TNPO2: variants seen among roughly 807,000 people sequenced by gnomAD.
TNPO2 encodes the protein transportin-2.
Under a neutral mutation model 111.1 loss-of-function variants are expected in TNPO2, and 16 were observed. The ratio of observed to expected loss-of-function variants is 0.14; its 90% CI spans 0.10 to 0.22. The LOEUF (loss-of-function observed/expected upper bound fraction) is 0.22. Among genes scored for constraint, TNPO2 ranks in the 10% least tolerant of loss-of-function variants. The pLI is 1.00. For synonymous variants in TNPO2, 481 were observed against 475.8 expected (o/e 1.01, Z -0.14); for missense variants, 530 against 1,173.7 (o/e 0.45, Z 8.01).
intron 2 of TNPO2, among the ~76,000 whole-genome samples, chr19:12,722,879 T>C (rs986219108): frequency 1.3e-5 from 2 of 152,188 alleles, no homozygotes; most frequent in African/African-American, 2.4e-5. Flanking sequence ...GTGGGGACTT[T>C]GTGTGTGATG....
In TNPO2 at chr19:12,702,121, C is replaced by T. The variant is rs764218305; in HGVS notation, c.2362G>A (p.Val788Met). ...ATGGGTGCCACCTCCTGGGGGCACACGTAGCCCAAGCGGCCGATGGTGATG... is the reference window on the plus strand; with the variant it reads ...ATGGGTGCCACCTCCTGGGGGCACATGTAGCCCAAGCGGCCGATGGTGATG... ...PAITIGRLGY[V>M]CPQEVAPMLQ... Residue 788 changes from valine (V) to methionine (M), a missense_variant, in exon 22 of 26, where the codon GTG (valine) becomes ATG (methionine). Coordinates refer to ENST00000425528, the MANE Select transcript of TNPO2 (RefSeq NM_001382241.1). This position sits in a 1 kb window ranked among gnomAD's most constrained non-coding sequence, Gnocchi z 5.5. 9.3e-6 allele frequency: 15 copies of T among 1,613,388 alleles called. No homozygotes were observed. Among genetic ancestry groups the T allele is most frequent in the South Asian group, 8.8e-5 (8 of 91,092 alleles).
rs953687976 is a variant in TNPO2 at position 12,703,501 on chromosome 19, G to A, written c.2136C>T (p.Thr712=). 1.2e-6 allele frequency: 2 copies of A among 1,613,914 alleles called. No homozygotes were observed. Among genetic ancestry groups the A allele is most frequent in the African/African-American group, 2.7e-5 (2 of 74,936 alleles). ...CGGAGATGAACTCTGGGTTCAGGTT[G>A]GTGCCCAGAATGGGCATGAACTCGG... is the stretch of plus-strand genomic sequence containing the variant. ...CIAEFMPILG[T]NLNPEFISVC... is the part of the protein sequence containing the mutation. The change falls in exon 20 of 26, where the codon ACC becomes ACT. Residue 712 remains threonine (T), a synonymous_variant. Coordinates refer to ENST00000425528, the MANE Select transcript of TNPO2 (RefSeq NM_001382241.1).
chr19:12,712,747 C>G (rs558806006), intron 10 of TNPO2, among the ~76,000 whole-genome samples: 2 of 152,164 alleles, frequency 1.3e-5, no homozygotes, highest in Non-Finnish European at 2.9e-5. Flanking sequence ...TAAATAACAG[C>G]GCAGCCAGAC....
At position 12,700,201 on chromosome 19, in the gene TNPO2, C is replaced by T. The variant is rs1286964561; in HGVS notation, c.*1063G>A. The T allele has an allele frequency of 6.6e-6, 1 of 152,086 alleles. No individual in the cohort carries two copies. The highest frequency in any genetic ancestry group is 1.9e-4 in the East Asian group (1 of 5,192). The allele number at this position is 152,086 out of a possible 1,614,324, so 9.4% of individuals were successfully genotyped here. A position where few individuals can be genotyped will look rare whatever the true frequency, so the allele number is the denominator to read the frequency against. On this transcript the variant is annotated 3_prime_UTR_variant, in exon 26 of 26. Transcript: ENST00000425528. ...AAGCCTTGGTTTTCCTTTTTGCTGG[C>T]AAAAACCTGTGTCCTCTGTCATCAT...
chr19:12,712,131 G>A (rs933210958), intron 10 of TNPO2, among the ~76,000 whole-genome samples: 2 of 152,170 alleles, frequency 1.3e-5, no homozygotes, highest in African/African-American at 4.8e-5. Context: ...ACAGAGATAG[G>A]AGCTGAGGGG....
rs1277710142 is a variant in TNPO2, at chr19:12,715,087, C to T, written c.731G>A (p.Arg244Gln). The change falls in exon 9 of 26, where the codon CGG (arginine) becomes CAG (glutamine). Residue 244 changes from arginine to glutamine, a missense_variant. Physicochemically the swap from Arg to Gln is conservative, Grantham distance 43. This residue lies in a region of TNPO2 where 156 missense variants were observed against 405.8 expected (regional missense o/e 0.38). Transcript: ENST00000425528. The surrounding 1 kb of genome is among the most constrained non-coding windows in gnomAD (Gnocchi z 7.1). ...CRALVMLLEV[R>Q]IDRLIPHMHS... Reference sequence around the variant, plus strand: ...CATGTGGGGGATGAGCCTGTCAATCCGCACTTCCAGAAGCATCACCAGGGC... The same window carrying T: ...CATGTGGGGGATGAGCCTGTCAATCTGCACTTCCAGAAGCATCACCAGGGC... 6 of 1,578,458 alleles carry T rather than the reference C, an allele frequency of 3.8e-6. No homozygotes were observed. The highest frequency in any genetic ancestry group is 2.7e-5 in the African/African-American group (2 of 74,458).
intron 13 of TNPO2, among the ~76,000 whole-genome samples, chr19:12,709,934 T>G (rs2025945601): frequency 6.6e-6 from 1 of 152,118 alleles, no homozygotes; most frequent in Non-Finnish European, 1.5e-5. Flanking sequence ...TTAGACAAAT[T>G]TTGAAAGCTT....
chr19:12,714,537 C>T (rs1190325657), intron 10 of TNPO2, among the ~76,000 whole-genome samples: 1 of 152,116 alleles, frequency 6.6e-6, no homozygotes, highest in Non-Finnish European at 1.5e-5. Context: ...TGGTCTCGAT[C>T]TTCTGACCTT....
Position 12,699,698 on chromosome 19 carries a change from C to T in TNPO2, c.*1566G>A, listed in dbSNP as rs887595075. 2 of 150,388 alleles carry T rather than the reference C, an allele frequency of 1.3e-5. No individual in the cohort carries two copies. Among genetic ancestry groups the T allele is most frequent in the East Asian group, 2.0e-4 (1 of 5,114 alleles). The allele number at this position is 150,388 out of a possible 1,614,324, so 9.3% of individuals were successfully genotyped here. A position where few individuals can be genotyped will look rare whatever the true frequency, so the allele number is the denominator to read the frequency against. ...AACAAATGGCTTCCAGAGACCTGCT[C>T]GAGTTTCATGGGGTGGGCGTGCAGG... is the stretch of plus-strand genomic sequence containing the variant. On this transcript the variant is annotated 3_prime_UTR_variant, in exon 26 of 26. Coordinates refer to ENST00000425528, the MANE Select transcript of TNPO2 (RefSeq NM_001382241.1).
At position 12,721,395 on chromosome 19, in the gene TNPO2, T is replaced by A; in HGVS notation, c.-13-405A>T. ...CCAGGGGCCCCGCCCCAGACCGTGA[T>A]AGCGCCCCGGCCCCCGTGGTCTCTT... On this transcript the variant is annotated intron_variant, in intron 2 of 25. Transcript: ENST00000425528. The surrounding 1 kb of genome is among the most constrained non-coding windows in gnomAD (Gnocchi z 4.9). 1.1e-6 allele frequency: 1 copy of A among 913,434 alleles called. No homozygotes were observed. The highest frequency in any genetic ancestry group is 1.5e-6 in the Non-Finnish European group (1 of 654,318). 56.6% of individuals were successfully genotyped at this position (913,434 alleles called of 1,614,324 possible). A position where few individuals can be genotyped will look rare whatever the true frequency, so the allele number is the denominator to read the frequency against.
intron 18 of TNPO2, 31 bp from the exon 19 acceptor site, chr19:12,703,832 G>A (rs1232031055): frequency 6.5e-7 from 1 of 1,544,130 alleles, no homozygotes; most frequent in African/African-American, 1.4e-5. Flanking sequence ...AGTGTGGCTA[G>A]GCTCCCCTCC....
rs201030914 is a variant in TNPO2 at position 12,706,524 on chromosome 19, T to A, written c.1496+46A>T. The A allele has an allele frequency of 8.8e-6, 14 of 1,599,686 alleles. No individual in the cohort carries two copies. The East Asian group carries it at 2.7e-4, about 31-fold the overall frequency. On this transcript the variant is annotated intron_variant, in intron 14 of 25. Transcript: ENST00000425528. This position sits in a 1 kb window ranked among gnomAD's most constrained non-coding sequence, Gnocchi z 7.0. Reference sequence around the variant, plus strand: ...ACAGGTGTCATCACTTCCCAGAGGGTGGCCGGGGGAGAGTGGGGGCTGTGG... The same window carrying A: ...ACAGGTGTCATCACTTCCCAGAGGGAGGCCGGGGGAGAGTGGGGGCTGTGG...
At chr19:12,713,876 A>ATTCT (rs1188267777) in intron 10 of TNPO2, among the ~76,000 whole-genome samples, 2 of 152,218 alleles carry the variant, frequency 1.3e-5, no homozygotes, top group East Asian at 3.9e-4. Context: ...AAAACTTAGA[A>ATTCT]AAGATTAGCT....
chr19:12,704,510 T>G (rs1307089546), intron 18 of TNPO2, among the ~76,000 whole-genome samples: 1 of 152,214 alleles, frequency 6.6e-6, no homozygotes, highest in Non-Finnish European at 1.5e-5. Context: ...TATACTGTAT[T>G]GTTTAGGGAA....
At position 12,706,685 on chromosome 19, in the gene TNPO2, G is replaced by A; in HGVS notation, c.1381C>T (p.Arg461Cys). Residue 461 changes from arginine to cysteine, a missense_variant, in exon 14 of 26, where the codon CGC becomes TGC. Around this residue, in one of 4 missense-constraint regions of TNPO2, gnomAD observed 183 missense variants for 481.0 expected, o/e 0.38. Coordinates refer to ENST00000425528, the MANE Select transcript of TNPO2 (RefSeq NM_001382241.1). This position sits in a 1 kb window ranked among gnomAD's most constrained non-coding sequence, Gnocchi z 7.0. ...TGGCTGACCACCCAGTGGGCATAGC[G>A]GCTCAGCGTCCAGCAGGCGATGGAG... ...VRSIACWTLS[R>C]YAHWVVSQPP... 6.2e-7 allele frequency: 1 copy of A among 1,613,864 alleles called. No individual in the cohort carries two copies. Among genetic ancestry groups the A allele is most frequent in the Non-Finnish European group, 8.5e-7 (1 of 1,179,856 alleles).
chr19:12,708,073 C>G (rs377652486), intron 13 of TNPO2, among the ~76,000 whole-genome samples: 52 of 151,790 alleles, frequency 3.4e-4, no homozygotes, highest in Non-Finnish European at 6.6e-4. Context: ...TCAACCGCCT[C>G]GGCCTCCCAA....
chr19:12,703,590 C>A lies in TNPO2; in HGVS notation c.2111-64G>T, dbSNP rs1367066485. The A allele has an allele frequency of 2.5e-6, 4 of 1,578,630 alleles. No individual in the cohort carries two copies. In the Admixed American group the frequency reaches 6.7e-5, roughly 26 times the overall value. On this transcript the variant is annotated intron_variant, in intron 19 of 25. Coordinates refer to ENST00000425528, the MANE Select transcript of TNPO2 (RefSeq NM_001382241.1). Reference sequence around the variant, plus strand: ...GCCAGGGTAAGCTGCAGGACCTAGTCCAGCAGGCCCCATCAGACAGTACGA... The same window carrying A: ...GCCAGGGTAAGCTGCAGGACCTAGTACAGCAGGCCCCATCAGACAGTACGA...
At chr19:12,723,540 T>A (rs922248537) in intron 1 of TNPO2, 175 bp from the exon 2 acceptor site, 1 of 152,244 alleles carries the variant, frequency 6.6e-6, no homozygotes, top group African/African-American at 2.4e-5. Context: ...AAGTTAAGCA[T>A]GACCTGGCCA....
In TNPO2 at chr19:12,715,110, G is replaced by C. The variant is rs2026291230; in HGVS notation, c.708C>G (p.Ala236=). The C allele has an allele frequency of 1.3e-6, 2 of 1,590,116 alleles. No homozygotes were observed. Among genetic ancestry groups the C allele is most frequent in the African/African-American group, 2.7e-5 (2 of 74,694 alleles). ...DPEVRKNVCR[A]LVMLLEVRID... Reference sequence around the variant, plus strand: ...TCCGCACTTCCAGAAGCATCACCAGGGCACGGCACACATTCTTCCGCACCT... The same window carrying C: ...TCCGCACTTCCAGAAGCATCACCAGCGCACGGCACACATTCTTCCGCACCT... The change falls in exon 9 of 26, where the codon GCC becomes GCG. Residue 236 remains alanine (A), a synonymous_variant. Transcript: ENST00000425528. This position sits in a 1 kb window ranked among gnomAD's most constrained non-coding sequence, Gnocchi z 7.1.
Sources: gnomAD v4.1 joint callset for allele counts (sites outside exome capture counted in the v4.1 genomes callset) on GRCh38, gnomAD v4.1.1 for gene constraint, gnomAD v4.1.1 regional missense constraint, Gnocchi (gnomAD v3.1) non-coding constraint, MANE v1.5 for transcripts, NCBI Gene and HGNC (gene_info 2026-07-23, HGNC 2026-07-21) for gene names.